Variants in PCDHA2 observed in about 807,000 individuals in gnomAD.
The protein encoded by PCDHA2 is protocadherin alpha 2.
Under a neutral mutation model 66.0 loss-of-function variants are expected in PCDHA2, and 58 were observed. That is an observed-to-expected ratio of 0.88 (90% CI 0.71 to 1.09). PCDHA2 has a LOEUF of 1.09. PCDHA2 is among the 50% of genes least tolerant of loss of function. PCDHA2 has a pLI of 0.00. For missense variants in PCDHA2, 1,267 were observed against 1,242.3 expected (o/e 1.02, Z -0.30); for synonymous variants, 634 against 554.0 (o/e 1.14, Z -2.03).
At chr5:140,821,904 C>A (rs1360851482) in intron 1 of PCDHA2, 2 of 1,614,102 alleles carry the variant, frequency 1.2e-6, no homozygotes, top group Non-Finnish European at 1.7e-6. Context: ...ACGGAACCTT[C>A]GTTGGCCGCA....
rs142468733 is a variant in PCDHA2 at position 140,884,535 on chromosome 5, C to G, written c.2388+87183C>G. 4,368 of 1,614,034 alleles carry G rather than the reference C, an allele frequency of 2.7e-3. 82 individuals are homozygous for G. The South Asian group carries it at 0.038, about 14-fold the overall frequency. On this transcript the variant is annotated intron_variant, in intron 1 of 3. Coordinates refer to ENST00000526136, the MANE Select transcript of PCDHA2 (RefSeq NM_018905.3). ...TGGTCGTACTCGCAGCAGAGGCGGC[C>G]GAGGGTGTGCTCTGGGGAGGGCCCG...
chr5:140,836,560 C>A (rs782229036), intron 1 of PCDHA2: 2 of 1,613,622 alleles, frequency 1.2e-6, no homozygotes, highest in African/African-American at 1.3e-5. Context: ...TGCTCAGCGC[C>A]GTCCTCTGAG....
intron 1 of PCDHA2, chr5:140,877,626 C>T: frequency 6.2e-7 from 1 of 1,613,828 alleles, no homozygotes; most frequent in African/African-American, 1.3e-5. Context: ...TGCTGCTGTA[C>T]ACTGCGCTGC....
At chr5:140,876,607 T>A in intron 1 of PCDHA2, 1 of 1,614,186 alleles carries the variant, frequency 6.2e-7, no homozygotes, top group Non-Finnish European at 8.5e-7. Context: ...GGATCGTGAC[T>A]CTGGAGCCAA....
intron 1 of PCDHA2, chr5:140,882,766 G>C (rs782330844): frequency 6.2e-7 from 1 of 1,614,184 alleles, no homozygotes; most frequent in Non-Finnish European, 8.5e-7. Context: ...GAGTAAACTC[G>C]GCATTGACCT....
At chr5:140,852,819 T>C in intron 1 of PCDHA2, 1 of 969,756 alleles carries the variant, frequency 1.0e-6, no homozygotes, top group Non-Finnish European at 1.2e-6. Flanking sequence ...CCGCCCTAAG[T>C]CCTCCAGTCT....
intron 3 of PCDHA2, among the ~76,000 whole-genome samples, chr5:140,998,872 T>C (rs1159101161): frequency 6.6e-6 from 1 of 152,202 alleles, no homozygotes; most frequent in African/African-American, 2.4e-5. Flanking sequence ...TTGTAAATAA[T>C]AAGTTTAGTT....
In PCDHA2 at chr5:140,857,206, C is replaced by T. The variant is rs1554149659; in HGVS notation, c.2388+59854C>T. On this transcript the variant is annotated intron_variant, in intron 1 of 3. Transcript: ENST00000526136. Reference sequence around the variant, plus strand: ...CAGGAGCCAACGGACAGGTCACCTGCTCTCTGACGCCTCACGTTCCGTTCA... The same window carrying T: ...CAGGAGCCAACGGACAGGTCACCTGTTCTCTGACGCCTCACGTTCCGTTCA... The T allele has an allele frequency of 2.5e-6, 4 of 1,598,614 alleles. No homozygotes were observed. The South Asian group carries it at 3.3e-5, about 13-fold the overall frequency.
chr5:141,011,890 A>G lies in PCDHA2; in HGVS notation c.*1953A>G, dbSNP rs7701616. 0.061 allele frequency: 9,307 copies of G among 153,488 alleles called. 355 individuals carry two copies. The highest frequency in any genetic ancestry group is 0.11 in the South Asian group (541 of 4,828). The allele number at this position is 153,488 out of a possible 1,614,324, so 9.5% of individuals were successfully genotyped here. On this transcript the variant is annotated 3_prime_UTR_variant, in exon 4 of 4. Coordinates refer to ENST00000526136, the MANE Select transcript of PCDHA2 (RefSeq NM_018905.3). ...GTACAATTTAGAAGTTTGATTAATT[A>G]TATTATCTATTTAGGCATTAATATA... is the stretch of plus-strand genomic sequence containing the variant.
At chr5:140,946,705 T>A (rs246053) in intron 1 of PCDHA2, among the ~76,000 whole-genome samples, 81,982 of 146,914 alleles carry the variant, frequency 0.56, 23,474 homozygotes, top group African/African-American at 0.69. Context: ...AATCTGGAGG[T>A]CATTATGTTT....
chr5:141,006,233 A>G (rs1311441986), intron 3 of PCDHA2, among the ~76,000 whole-genome samples: 2 of 151,044 alleles, frequency 1.3e-5, no homozygotes, highest in African/African-American at 4.9e-5. Flanking sequence ...TTATTTTTAG[A>G]TGGAGTCTTG....
At chr5:140,850,241 GCGGT>G in intron 1 of PCDHA2, 1 of 1,593,924 alleles carries the variant, frequency 6.3e-7, no homozygotes, top group Non-Finnish European at 8.6e-7. Context: ...AGATGGTGCT[GCGGT>G]CGGTGGGCGC....
At position 140,928,256 on chromosome 5, in the gene PCDHA2, CT is replaced by C. The variant is rs1563103175; in HGVS notation, c.2389-50692del. 2.5e-6 allele frequency: 4 copies of C among 1,614,234 alleles called. No homozygotes were observed. The Admixed American group carries it at 6.7e-5, about 27-fold the overall frequency. On this transcript the variant is annotated intron_variant, in intron 1 of 3. Transcript: ENST00000526136. ...CAACCCCAGCAGGAACTTTTCGTTG[CT>C]GAAAACAATGGCCCTGGGGCCTCTC... is the stretch of plus-strand genomic sequence containing the variant.
chr5:140,845,010 T>G (rs2150375748), intron 1 of PCDHA2, among the ~76,000 whole-genome samples: 12 of 149,368 alleles, frequency 8.0e-5, no homozygotes, highest in Non-Finnish European at 1.0e-4. Context: ...GAACAAATAA[T>G]GTAATCATTT....
intron 1 of PCDHA2, among the ~76,000 whole-genome samples, chr5:140,855,675 G>T (rs1554147907): frequency 6.7e-6 from 1 of 149,648 alleles, no homozygotes; most frequent in African/African-American, 2.5e-5. Context: ...TACTCTGAGA[G>T]TCTACATTTA....
intron 1 of PCDHA2, chr5:140,868,179 A>G (rs1220525883): frequency 1.3e-5 from 2 of 152,152 alleles, no homozygotes; most frequent in African/African-American, 2.4e-5. Context: ...GATATCTCAT[A>G]TTATGCTACT....
chr5:140,985,946 A>G (rs1265124776), intron 3 of PCDHA2, among the ~76,000 whole-genome samples: 1 of 151,962 alleles, frequency 6.6e-6, no homozygotes, highest in Non-Finnish European at 1.5e-5. Flanking sequence ...TCACTGTGTT[A>G]GCCAGGATGG....
chr5:140,803,067 G>T (rs1763105325), intron 1 of PCDHA2: 1 of 1,613,948 alleles, frequency 6.2e-7, no homozygotes, highest in Non-Finnish European at 8.5e-7. Context: ...CCCGTTTCGC[G>T]TGGGGCTGTA....
intron 1 of PCDHA2, chr5:140,834,959 T>C (rs2150229473): frequency 6.6e-7 from 1 of 1,526,094 alleles, no homozygotes; most frequent in South Asian, 1.2e-5. Flanking sequence ...TAAAACCTCT[T>C]GGACTTGTAT....
Sources: allele counts gnomAD v4.1 joint callset (sites outside exome capture counted in the v4.1 genomes callset), GRCh38; gene constraint gnomAD v4.1.1; transcripts MANE v1.5; gene names NCBI Gene and HGNC (gene_info 2026-07-23, HGNC 2026-07-21).